KCNH5: variants seen among roughly 807,000 people sequenced by gnomAD.
The protein encoded by KCNH5 is potassium voltage-gated channel subfamily H member 5.
KCNH5 carries 46 observed loss-of-function variants against 96.1 expected under a neutral mutation model. The observed-to-expected ratio is 0.48, with a 90% confidence interval of 0.38 to 0.61. The LOEUF is 0.61. Among genes scored for constraint, KCNH5 ranks in the 20% least tolerant of loss-of-function variants. KCNH5 has a pLI of 0.00. For missense variants in KCNH5, 907 were observed against 1,225.8 expected, an observed-to-expected ratio of 0.74 and a Z score of 3.88; for synonymous variants, 439 against 449.8, an observed-to-expected ratio of 0.98 and a Z score of 0.30.
chr14:62,951,629 G>A (rs1890007505), intron 6 of KCNH5, among the ~76,000 whole-genome samples: 1 of 152,142 alleles, frequency 6.6e-6, no homozygotes, highest in African/African-American at 2.4e-5. Flanking sequence ...ATATTAATAA[G>A]ACTCTAATTA....
Position 62,705,550 on chromosome 14 carries a change from A to ACGTGTTCCC in KCNH5, c.*1949_*1957dup, listed in dbSNP as rs1368551668. On this transcript the variant is annotated 3_prime_UTR_variant, in exon 11 of 11. Coordinates refer to ENST00000322893, the MANE Select transcript of KCNH5 (RefSeq NM_139318.5). ...GTAGATATTGTAGCATTACATGGAG[A>ACGTGTTCCC]CGTGTTCCCCTGAAAACTTCCATTA... 2.6e-5 allele frequency: 4 copies of ACGTGTTCCC among 151,892 alleles called. No homozygotes were observed. The highest frequency in any genetic ancestry group is 9.7e-5 in the African/African-American group (4 of 41,390). 9.4% of individuals were successfully genotyped at this position (151,892 alleles called of 1,614,324 possible). A position where few individuals can be genotyped will look rare whatever the true frequency, so the allele number is the denominator to read the frequency against.
At chr14:62,758,194 G>A (rs972453878) in intron 10 of KCNH5, among the ~76,000 whole-genome samples, 14 of 151,682 alleles carry the variant, frequency 9.2e-5, no homozygotes, top group African/African-American at 3.4e-4. Context: ...AGTATTTGAT[G>A]GCACAACAGG....
intron 9 of KCNH5, among the ~76,000 whole-genome samples, chr14:62,785,075 A>G (rs1402276503): frequency 6.6e-6 from 1 of 152,226 alleles, no homozygotes; most frequent in Non-Finnish European, 1.5e-5. Flanking sequence ...GGGATATGCA[A>G]TATGTAAACT....
At chr14:62,937,438 C>T (rs1212332957) in intron 7 of KCNH5, among the ~76,000 whole-genome samples, 3 of 152,160 alleles carry the variant, frequency 2.0e-5, no homozygotes, top group Non-Finnish European at 4.4e-5. Flanking sequence ...AAAGTAAGGG[C>T]TACTATCCTG....
chr14:62,708,461 G>T lies in KCNH5; in HGVS notation c.2020-6C>A, dbSNP rs1419194902. 3 of 1,557,444 alleles carry T rather than the reference G, an allele frequency of 1.9e-6. No individual in the cohort carries two copies. The highest frequency in any genetic ancestry group is 2.6e-6 in the Non-Finnish European group (3 of 1,145,014). On this transcript the variant is annotated splice_region_variant and splice_polypyrimidine_tract_variant and intron_variant, in intron 10 of 10. Transcript: ENST00000322893. ...CTGATCTTACGAAAGATGATCTGTG[G>T]AACGGGAGAGATAGTCACAGCCTGA...
intron 8 of KCNH5, among the ~76,000 whole-genome samples, chr14:62,840,550 C>CT (rs140344558): frequency 8.0e-6 from 1 of 124,360 alleles, no homozygotes; most frequent in Non-Finnish European, 1.7e-5. Flanking sequence ...TTTTGTTTTT[C>CT]TTTTTTCTTT....
At chr14:62,768,807 C>T (rs1459777997) in intron 10 of KCNH5, among the ~76,000 whole-genome samples, 2 of 152,124 alleles carry the variant, frequency 1.3e-5, no homozygotes, top group East Asian at 3.9e-4. Flanking sequence ...TTACTGAATC[C>T]AGCCCCAACT....
In KCNH5 at chr14:62,702,229, T is replaced by C. The variant is rs1194169718; in HGVS notation, c.*5279A>G. ...AACTGTTAGGAGAAGTAAAGGAAAA[T>C]TCCACTGTTGGGACAGGGCACCTTT... On this transcript the variant is annotated 3_prime_UTR_variant, in exon 11 of 11. Coordinates refer to ENST00000322893, the MANE Select transcript of KCNH5 (RefSeq NM_139318.5). The C allele has an allele frequency of 6.6e-6, 1 of 152,060 alleles. No individual in the cohort carries two copies. The highest frequency in any genetic ancestry group is 1.5e-5 in the Non-Finnish European group (1 of 67,926). 9.4% of individuals were successfully genotyped at this position (152,060 alleles called of 1,614,324 possible). A position where few individuals can be genotyped will look rare whatever the true frequency, so the allele number is the denominator to read the frequency against.
chr14:62,919,938 A>G (rs1049901745), intron 7 of KCNH5, among the ~76,000 whole-genome samples: 5 of 152,156 alleles, frequency 3.3e-5, no homozygotes, highest in Non-Finnish European at 7.3e-5. Flanking sequence ...AAAGTCCAGG[A>G]TATCTGAGGT....
chr14:63,016,965 A>C lies in KCNH5; in HGVS notation c.74-11T>G. ...GTAAGAAACTTGATTCTGAAGAAGAAAGGAGAAAAAAGGAGGTTATTTAGC... is the reference window on the plus strand; with the variant it reads ...GTAAGAAACTTGATTCTGAAGAAGACAGGAGAAAAAAGGAGGTTATTTAGC... On this transcript the variant is annotated splice_polypyrimidine_tract_variant and intron_variant, in intron 1 of 10. Coordinates refer to ENST00000322893, the MANE Select transcript of KCNH5 (RefSeq NM_139318.5). 1 of 1,593,906 alleles carries C rather than the reference A, an allele frequency of 6.3e-7. No individual in the cohort carries two copies.
At chr14:63,011,925 G>C (rs563695452) in intron 2 of KCNH5, among the ~76,000 whole-genome samples, 27 of 152,256 alleles carry the variant, frequency 1.8e-4, no homozygotes, top group Admixed American at 1.3e-3. Context: ...GGTTGGATAA[G>C]GGATTGTAAA....
rs557751896 is a variant in KCNH5, at chr14:62,799,505, G to A, written c.1822+2824C>T. On this transcript the variant is annotated intron_variant, in intron 9 of 10. Transcript: ENST00000322893. ...GGAGAATTGCTTGAACCTGGGAGGCGGAGGTTGCGGTGAGCTGAGATCACA... is the reference window on the plus strand; with the variant it reads ...GGAGAATTGCTTGAACCTGGGAGGCAGAGGTTGCGGTGAGCTGAGATCACA... 4.1e-5 allele frequency among the ~76,000 whole-genome samples: 6 copies of A among 146,066 alleles called. No homozygotes were observed. The East Asian group carries it at 8.0e-4, about 20-fold the overall frequency.
chr14:62,794,586 A>G (rs1886501496), intron 9 of KCNH5, among the ~76,000 whole-genome samples: 3 of 152,048 alleles, frequency 2.0e-5, no homozygotes, highest in Admixed American at 1.3e-4. Flanking sequence ...GACTTGGTAT[A>G]ATAATGTATA....
chr14:62,861,825 C>T (rs1888040729), intron 7 of KCNH5, among the ~76,000 whole-genome samples: 1 of 152,018 alleles, frequency 6.6e-6, no homozygotes, highest in Admixed American at 6.6e-5. Context: ...ATGTAGCAAT[C>T]CATTATTTCG....
At chr14:63,001,213 A>G (rs954926181) in intron 4 of KCNH5, 118 bp downstream of exon 4, 2 of 834,310 alleles carry the variant, frequency 2.4e-6, no homozygotes, top group Non-Finnish European at 3.5e-6. Flanking sequence ...GCAATGAAGC[A>G]AAAGAAAGGC....
At chr14:62,765,028 A>T (rs1885830264) in intron 10 of KCNH5, among the ~76,000 whole-genome samples, 1 of 152,200 alleles carries the variant, frequency 6.6e-6, no homozygotes, top group South Asian at 2.1e-4. Flanking sequence ...CTATTCTAAA[A>T]TTTATATGGA....
At chr14:62,965,313 A>C (rs1050633836) in intron 6 of KCNH5, among the ~76,000 whole-genome samples, 5 of 152,118 alleles carry the variant, frequency 3.3e-5, no homozygotes, top group Non-Finnish European at 7.4e-5. Flanking sequence ...GAACGTCTTC[A>C]TACCATTCTC....
chr14:62,790,144 C>A (rs571190900), intron 9 of KCNH5, among the ~76,000 whole-genome samples: 71 of 151,690 alleles, frequency 4.7e-4, no homozygotes, highest in Non-Finnish European at 9.7e-4. Flanking sequence ...TTCTCAGCAC[C>A]ATATATTGAA....
rs552433710 is a variant in KCNH5, at chr14:62,948,006, T to C, written c.1369+2127A>G. ...CCCCACCCCACAACAGTCCCCAGAG[T>C]GTGATGTTCCCCTTCCTGTGTCCAT... On this transcript the variant is annotated intron_variant, in intron 7 of 10. Coordinates refer to ENST00000322893, the MANE Select transcript of KCNH5 (RefSeq NM_139318.5). Among the ~76,000 whole-genome samples the C allele has an allele frequency of 6.1e-4, 88 of 144,580 alleles. 1 individual carries two copies. Among genetic ancestry groups the C allele is most frequent in the African/African-American group, 2.2e-3 (85 of 38,748 alleles). The allele number at this position is 144,580 out of a possible 152,430, so 94.9% of individuals were successfully genotyped here.
Sources: allele counts gnomAD v4.1 joint callset (sites outside exome capture counted in the v4.1 genomes callset), GRCh38; gene constraint gnomAD v4.1.1; transcripts MANE v1.5; gene names NCBI Gene and HGNC (gene_info 2026-07-23, HGNC 2026-07-21).